Variants in ADARB2 observed in about 807,000 individuals in gnomAD.
ADARB2 encodes the protein adenosine deaminase RNA specific B2 (inactive), also known as inactive double-stranded RNA-specific editase B2.
A neutral mutation model predicts 62.2 loss-of-function variants in ADARB2; 25 were observed. That is an observed-to-expected ratio of 0.40 (90% CI 0.29 to 0.56). The LOEUF (loss-of-function observed/expected upper bound fraction) is 0.56, where lower values mean the gene tolerates loss of function less well. Ranked by LOEUF, ADARB2 falls within the 20% of genes least tolerant of loss-of-function variation. ADARB2 has a pLI of 0.43. For synonymous variants in ADARB2, 572 were observed against 500.8 expected (o/e 1.14, Z -1.90); for missense variants, 1,071 against 1,077.4 (o/e 0.99, Z 0.08).
chr10:1,369,212 C>T (rs1832343138), intron 2 of ADARB2, among the ~76,000 whole-genome samples: 1 of 152,182 alleles, frequency 6.6e-6, no homozygotes, highest in Non-Finnish European at 1.5e-5. Context: ...GTTTCTCACA[C>T]TCAGTCATCG....
chr10:1,497,714 A>G (rs570116478), intron 1 of ADARB2, among the ~76,000 whole-genome samples: 128 of 152,396 alleles, frequency 8.4e-4, no homozygotes, highest in Non-Finnish European at 1.6e-3. Flanking sequence ...AAATAAAATT[A>G]TATATAAATG....
chr10:1,377,955 C>T (rs965228919), intron 2 of ADARB2, among the ~76,000 whole-genome samples: 2 of 152,216 alleles, frequency 1.3e-5, no homozygotes, highest in Non-Finnish European at 2.9e-5. Context: ...GCAGACCCCT[C>T]CCACTGCCTC....
rs146271079 is a variant in ADARB2 at position 1,732,186 on chromosome 10, A to C, written c.100+4865T>G. 3.7e-3 allele frequency among the ~76,000 whole-genome samples: 560 copies of C among 152,052 alleles called. 5 individuals carry two copies. The highest frequency in any genetic ancestry group is 0.013 in the African/African-American group (546 of 41,476). ...GCTTTTACCGTGTATATACATATAC[A>C]TACATACATAGTAATATACATGTAT... On this transcript the variant is annotated intron_variant, in intron 1 of 9. Transcript: ENST00000381312.
At chr10:1,644,963 C>CA (rs1313620827) in intron 1 of ADARB2, among the ~76,000 whole-genome samples, 2 of 152,118 alleles carry the variant, frequency 1.3e-5, no homozygotes, top group African/African-American at 4.8e-5. Context: ...TACAAACACA[C>CA]AAAAAAGAGG....
chr10:1,694,976 A>G (rs1834720912), intron 1 of ADARB2, among the ~76,000 whole-genome samples: 1 of 152,120 alleles, frequency 6.6e-6, no homozygotes, highest in Non-Finnish European at 1.5e-5. Flanking sequence ...ACCGGGAGGG[A>G]GACCTTGCGA....
At chr10:1,405,732 C>T (rs549101447) in intron 1 of ADARB2, among the ~76,000 whole-genome samples, 1 of 152,102 alleles carries the variant, frequency 6.6e-6, no homozygotes, top group South Asian at 2.1e-4. Flanking sequence ...AGAAGCTGTG[C>T]ACCAAGATAC....
intron 2 of ADARB2, among the ~76,000 whole-genome samples, chr10:1,367,099 T>C (rs1832320242): frequency 6.6e-6 from 1 of 151,964 alleles, no homozygotes; most frequent in Admixed American, 6.5e-5. Context: ...AAAACATACA[T>C]TTCATAGGCA....
At chr10:1,681,077 G>T (rs1336829682) in intron 1 of ADARB2, among the ~76,000 whole-genome samples, 1 of 152,212 alleles carries the variant, frequency 6.6e-6, no homozygotes, top group Non-Finnish European at 1.5e-5. Flanking sequence ...CGTCAGGTTT[G>T]AAGGCAGCCC....
At chr10:1,217,387 C>T (rs751382221) in intron 6 of ADARB2, among the ~76,000 whole-genome samples, 5 of 152,226 alleles carry the variant, frequency 3.3e-5, no homozygotes, top group Non-Finnish European at 5.9e-5. Context: ...TTCACCAACA[C>T]CCGCCTCTGT....
chr10:1,326,987 C>CAGCGCCTCCCCACGGCA (rs1831861584), intron 3 of ADARB2, among the ~76,000 whole-genome samples: 1 of 5,996 alleles, frequency 1.7e-4, no homozygotes, highest in African/African-American at 7.1e-4. Flanking sequence ...TCCCCACGGC[C>CAGCGCCTCCCCACGGCA]CAGCGCCTCC....
At position 1,490,178 on chromosome 10, in the gene ADARB2, T is replaced by C. The variant is rs149138400; in HGVS notation, c.101-111018A>G. On this transcript the variant is annotated intron_variant, in intron 1 of 9. Coordinates refer to ENST00000381312, the MANE Select transcript of ADARB2 (RefSeq NM_018702.4). ...GCAAGCCTAACGCCAGCCCCTTTAG[T>C]GGAAGGCTTCACCCAGGACTTGCCT... Among the ~76,000 whole-genome samples, 407 of 152,260 alleles carry C rather than the reference T, an allele frequency of 2.7e-3. 7 individuals carry two copies. Among genetic ancestry groups the C allele is most frequent in the African/African-American group, 9.1e-3 (380 of 41,544 alleles).
intron 8 of ADARB2, chr10:1,187,735 C>G (rs937146777): frequency 1.2e-5 from 3 of 257,682 alleles, no homozygotes; most frequent in South Asian, 3.2e-5. Context: ...GAACCCAGCA[C>G]GTGCACTGCT....
At chr10:1,462,054 C>T (rs1176486686) in intron 1 of ADARB2, among the ~76,000 whole-genome samples, 2 of 152,122 alleles carry the variant, frequency 1.3e-5, no homozygotes, top group African/African-American at 4.8e-5. Context: ...AATTACTTTG[C>T]CATCAGGTTC....
intron 1 of ADARB2, among the ~76,000 whole-genome samples, chr10:1,384,463 T>A (rs1213835765): frequency 6.6e-6 from 1 of 152,214 alleles, no homozygotes; most frequent in South Asian, 2.1e-4. Context: ...AAGGCTTTGC[T>A]GGCCGTGAAT....
In ADARB2 at chr10:1,227,148, G is replaced by A. The variant is rs550225784; in HGVS notation, c.1513+6546C>T. Among the ~76,000 whole-genome samples, 19 of 152,352 alleles carry A rather than the reference G, an allele frequency of 1.2e-4. No individual in the cohort carries two copies. The South Asian group carries it at 3.9e-3, about 32-fold the overall frequency. Reference sequence around the variant, plus strand: ...CAGCCTCACTGCCGCCTTGCAGTTTGATCTGGACTGCTGTGCTAGCAATCA... The same window carrying A: ...CAGCCTCACTGCCGCCTTGCAGTTTAATCTGGACTGCTGTGCTAGCAATCA... On this transcript the variant is annotated intron_variant, in intron 6 of 9. Coordinates refer to ENST00000381312, the MANE Select transcript of ADARB2 (RefSeq NM_018702.4).
At chr10:1,521,904 G>A (rs1832078640) in intron 1 of ADARB2, among the ~76,000 whole-genome samples, 1 of 151,824 alleles carries the variant, frequency 6.6e-6, no homozygotes, top group Admixed American at 6.6e-5. Context: ...AAACCAAGCT[G>A]CGCCCCGACC....
intron 6 of ADARB2, among the ~76,000 whole-genome samples, chr10:1,219,968 G>GATGATGGTAATGGTGATGGT (rs1830670384): frequency 7.6e-6 from 1 of 131,622 alleles, no homozygotes. Context: ...TGGTGGTGAT[G>GATGATGGTAATGGTGATGGT]GATGATGGTG....
At chr10:1,521,243 G>T (rs1411974248) in intron 1 of ADARB2, among the ~76,000 whole-genome samples, 1 of 152,126 alleles carries the variant, frequency 6.6e-6, no homozygotes, top group Non-Finnish European at 1.5e-5. Flanking sequence ...AGATGAGTTG[G>T]GTCCCAGGCA....
chr10:1,411,111 C>A (rs550570402), intron 1 of ADARB2, among the ~76,000 whole-genome samples: 1 of 152,326 alleles, frequency 6.6e-6, no homozygotes, highest in South Asian at 2.1e-4. Flanking sequence ...CAGGGCACGG[C>A]CATCCAGACA....
Sources: gnomAD v4.1 joint callset for allele counts (sites outside exome capture counted in the v4.1 genomes callset) on GRCh38, gnomAD v4.1.1 for gene constraint, MANE v1.5 for transcripts, NCBI Gene and HGNC (gene_info 2026-07-23, HGNC 2026-07-21) for gene names.